The following BPIFC variants were observed in gnomAD, a reference collection of about 807,000 sequenced individuals.
BPIFC encodes BPI fold-containing family C protein.
BPIFC carries 60 observed loss-of-function variants against 57.6 expected under a neutral mutation model. The ratio of observed to expected loss-of-function variants is 1.04; its 90% CI spans 0.85 to 1.29. BPIFC has a LOEUF of 1.29. Among genes scored for constraint, BPIFC ranks in the 50% most tolerant of loss-of-function variants. The pLI is 0.00. For synonymous variants in BPIFC, 243 were observed against 224.5 expected, an observed-to-expected ratio of 1.08 and a Z score of -0.74; for missense variants, 581 against 600.5, an observed-to-expected ratio of 0.97 and a Z score of 0.34.
At chr22:32,463,372 A>G (rs1042887484) in intron 1 of BPIFC, among the ~76,000 whole-genome samples, 5 of 152,176 alleles carry the variant, frequency 3.3e-5, no homozygotes, top group Admixed American at 3.3e-4. Context: ...GCTTCTGGGG[A>G]ATTGCTTCTT....
chr22:32,458,932 A>G (rs573007413), intron 2 of BPIFC, among the ~76,000 whole-genome samples: 2 of 152,368 alleles, frequency 1.3e-5, no homozygotes, highest in African/African-American at 4.8e-5. Context: ...CTTGGCATAC[A>G]TGAATGATTA....
chr22:32,448,021 C>T lies in BPIFC; in HGVS notation c.246-681G>A, dbSNP rs78691194. ...TTCCTTCAGCAGTTCCAGTGTTTCA[C>T]GAAAGGGGTGATATTTGTATTTTGC... On this transcript the variant is annotated intron_variant, in intron 4 of 16. Coordinates refer to ENST00000300399, the MANE Select transcript of BPIFC (RefSeq NM_174932.3). 5.1e-3 allele frequency among the ~76,000 whole-genome samples: 769 copies of T among 151,760 alleles called. 8 individuals are homozygous for T. Among genetic ancestry groups the T allele is most frequent in the African/African-American group, 0.018 (739 of 41,376 alleles).
intron 16 of BPIFC, 130 bp from the exon 17 acceptor site, chr22:32,414,555 C>T: frequency 8.4e-7 from 1 of 1,193,760 alleles, no homozygotes; most frequent in Non-Finnish European, 1.1e-6. Flanking sequence ...AGGCTGTCGC[C>T]CAGGCTGGAG....
At chr22:32,424,642 C>CTCTTCTTCTTCTTCTTCTTCTTCTTCT in intron 13 of BPIFC, among the ~76,000 whole-genome samples, 1 of 28,768 alleles carries the variant, frequency 3.5e-5, no homozygotes, top group East Asian at 8.6e-4. Context: ...TCTTCTTCTT[C>CTCTTCTTCTTCTTCTTCTTCTTCTTCT]TCTTCTTCTT....
intron 13 of BPIFC, among the ~76,000 whole-genome samples, chr22:32,423,310 G>T (rs953006545): frequency 6.6e-6 from 1 of 152,216 alleles, no homozygotes; most frequent in South Asian, 2.1e-4. Flanking sequence ...AATTCTGGAA[G>T]AAGCTTCCAT....
At chr22:32,427,419 G>A (rs1433377371) in intron 13 of BPIFC, among the ~76,000 whole-genome samples, 1 of 152,094 alleles carries the variant, frequency 6.6e-6, no homozygotes, top group African/African-American at 2.4e-5. Flanking sequence ...CCAGACACCT[G>A]CTCAGATGCA....
At chr22:32,441,301 C>A (rs957701696) in intron 8 of BPIFC, among the ~76,000 whole-genome samples, 1 of 152,194 alleles carries the variant, frequency 6.6e-6, no homozygotes, top group African/African-American at 2.4e-5. Flanking sequence ...GGAAATTCCT[C>A]TCCACCTCCT....
chr22:32,463,050 T>G (rs1935197943), intron 1 of BPIFC, among the ~76,000 whole-genome samples: 1 of 152,206 alleles, frequency 6.6e-6, no homozygotes, highest in Non-Finnish European at 1.5e-5. Context: ...TAAAAAAAGT[T>G]TCTGAAGTGG....
chr22:32,428,268 T>C (rs58766648), intron 13 of BPIFC, among the ~76,000 whole-genome samples: 140 of 90,808 alleles, frequency 1.5e-3, no homozygotes, highest in Middle Eastern at 0.011. Context: ...TGTGTGTGTG[T>C]GCGCGCGCGT....
At chr22:32,461,511 T>C (rs930496328) in intron 2 of BPIFC, 63 bp downstream of exon 2, 5 of 894,246 alleles carry the variant, frequency 5.6e-6, no homozygotes, top group Non-Finnish European at 6.7e-6. Context: ...TGTAAAGCCC[T>C]CCATGTCCTG....
chr22:32,443,162 C>CATTT (rs1555879034), intron 7 of BPIFC, among the ~76,000 whole-genome samples: 1 of 133,854 alleles, frequency 7.5e-6, no homozygotes. Flanking sequence ...AGAGCTGGAG[C>CATTT]TTTTTTTTTT....
intron 13 of BPIFC, among the ~76,000 whole-genome samples, chr22:32,424,702 TTCCTCTTCTTCTTCC>T (rs1569448137): frequency 2.1e-5 from 2 of 94,352 alleles, no homozygotes; most frequent in Non-Finnish European, 3.9e-5. Context: ...CCTCTTCTTC[TTCCTCTTCTTCTTCC>T]TCTTCTTCTT....
intron 15 of BPIFC, among the ~76,000 whole-genome samples, chr22:32,416,374 A>T (rs75040902): frequency 6.6e-6 from 1 of 152,164 alleles, no homozygotes; most frequent in African/African-American, 2.4e-5. Flanking sequence ...TGAGCCACTG[A>T]GCCCGGCATG....
At chr22:32,456,090 T>C (rs9621455) in intron 3 of BPIFC, among the ~76,000 whole-genome samples, 44,710 of 152,166 alleles carry the variant, frequency 0.29, 6,995 homozygotes, top group East Asian at 0.57. Flanking sequence ...GTGGATAGAC[T>C]TCAGATCTGT....
At chr22:32,440,655 A>G (rs1475149223) in intron 8 of BPIFC, among the ~76,000 whole-genome samples, 1 of 152,152 alleles carries the variant, frequency 6.6e-6, no homozygotes, top group Admixed American at 6.5e-5. Flanking sequence ...AATAAATGCT[A>G]AATCCCTTCT....
chr22:32,425,798 G>T (rs994115845), intron 13 of BPIFC, among the ~76,000 whole-genome samples: 5 of 152,088 alleles, frequency 3.3e-5, no homozygotes, highest in Non-Finnish European at 7.4e-5. Context: ...CCCGTTTTAT[G>T]CTTTATGGAG....
At chr22:32,434,866 G>C (rs1046630284) in intron 10 of BPIFC, among the ~76,000 whole-genome samples, 1 of 152,176 alleles carries the variant, frequency 6.6e-6, no homozygotes, top group Non-Finnish European at 1.5e-5. Context: ...TAGAGACAGT[G>C]CTGTCATTAT....
Position 32,453,377 on chromosome 22 carries a change from ACT to A in BPIFC, c.245+4_245+5del. 1 of 1,573,706 alleles carries A rather than the reference ACT, an allele frequency of 6.4e-7. No homozygotes were observed. The highest frequency in any genetic ancestry group is 8.6e-7 in the Non-Finnish European group (1 of 1,164,280). ...TAAGAGGCAAAATGCTCTTCTTTTT[ACT>A]TACTTTGAAAAATTGTAGTTTACAT... On this transcript the variant is annotated splice_donor_5th_base_variant and intron_variant, in intron 4 of 16. Transcript: ENST00000300399.
chr22:32,440,063 A>T (rs1734080644), intron 8 of BPIFC, among the ~76,000 whole-genome samples: 1 of 152,014 alleles, frequency 6.6e-6, no homozygotes, highest in African/African-American at 2.4e-5. Context: ...TCCTCACTAC[A>T]TCTTGTTTTC....
Sources: allele counts gnomAD v4.1 joint callset (sites outside exome capture counted in the v4.1 genomes callset), GRCh38; gene constraint gnomAD v4.1.1; transcripts MANE v1.5; gene names NCBI Gene and HGNC (gene_info 2026-07-23, HGNC 2026-07-21).